SNTG1: variants seen among roughly 807,000 people sequenced by gnomAD.
SNTG1 encodes gamma-1-syntrophin.
Under a neutral mutation model 74.7 loss-of-function variants are expected in SNTG1, and 39 were observed. The ratio of observed to expected loss-of-function variants is 0.52; its 90% CI spans 0.40 to 0.68. SNTG1 has a LOEUF of 0.68. Ranked by LOEUF, SNTG1 falls within the 30% of genes least tolerant of loss-of-function variation. SNTG1 has a pLI of 0.00. For missense variants in SNTG1, 685 were observed against 609.5 expected (o/e 1.12, Z -1.30); for synonymous variants, 254 against 217.1 (o/e 1.17, Z -1.49).
chr8:50,174,197 A>G (rs1321648811), intron 2 of SNTG1, among the ~76,000 whole-genome samples: 2 of 152,202 alleles, frequency 1.3e-5, no homozygotes, highest in African/African-American at 4.8e-5. Flanking sequence ...ATAGTATTCC[A>G]TGATGTACAT....
rs547532196 is a variant in SNTG1, at chr8:50,726,615, C to T, written c.1284+17637C>T. Among the ~76,000 whole-genome samples, 483 of 152,208 alleles carry T rather than the reference C, an allele frequency of 3.2e-3. 4 individuals carry two copies. Among genetic ancestry groups the T allele is most frequent in the African/African-American group, 0.011 (464 of 41,514 alleles). On this transcript the variant is annotated intron_variant, in intron 17 of 18. Transcript: ENST00000642720. ...CTGTAATCCCAGCTCTTTGGGAGGCCGAGGCAGGTGGATCACAAGGTCAGG... is the reference window on the plus strand; with the variant it reads ...CTGTAATCCCAGCTCTTTGGGAGGCTGAGGCAGGTGGATCACAAGGTCAGG...
intron 1 of SNTG1, among the ~76,000 whole-genome samples, chr8:50,037,316 T>A (rs1191345074): frequency 6.6e-6 from 1 of 152,178 alleles, no homozygotes; most frequent in Non-Finnish European, 1.5e-5. Context: ...TCTGAAGATT[T>A]TCTTAAAATG....
At chr8:50,366,793 A>G (rs1338944290) in intron 2 of SNTG1, among the ~76,000 whole-genome samples, 1 of 146,302 alleles carries the variant, frequency 6.8e-6, no homozygotes, top group Non-Finnish European at 1.5e-5. Flanking sequence ...GGAAGATATA[A>G]TACTATAATA....
chr8:50,653,476 T>G (rs951833516), intron 13 of SNTG1, among the ~76,000 whole-genome samples: 1 of 152,222 alleles, frequency 6.6e-6, no homozygotes, highest in Non-Finnish European at 1.5e-5. Context: ...TTATTCTATT[T>G]ACCTGCTATA....
At chr8:50,786,247 A>G (rs2095674796) in intron 18 of SNTG1, among the ~76,000 whole-genome samples, 1 of 152,012 alleles carries the variant, frequency 6.6e-6, no homozygotes, top group Non-Finnish European at 1.5e-5. Context: ...TAGAGTAGGT[A>G]AAATTAAGAA....
chr8:50,518,067 C>T (rs1563513438), intron 9 of SNTG1, among the ~76,000 whole-genome samples: 1 of 152,122 alleles, frequency 6.6e-6, no homozygotes, highest in South Asian at 2.1e-4. Context: ...TAAAACACTC[C>T]TCTGCAAATA....
intron 2 of SNTG1, among the ~76,000 whole-genome samples, chr8:50,352,912 C>A (rs2091706749): frequency 6.6e-6 from 1 of 152,056 alleles, no homozygotes; most frequent in African/African-American, 2.4e-5. Context: ...TGGGTATATA[C>A]CCAAAGGATT....
intron 2 of SNTG1, among the ~76,000 whole-genome samples, chr8:50,226,361 T>C (rs1405321841): frequency 6.6e-6 from 1 of 152,168 alleles, no homozygotes; most frequent in African/African-American, 2.4e-5. Flanking sequence ...TTCCCTGATG[T>C]CCTTTGTGGG....
intron 2 of SNTG1, among the ~76,000 whole-genome samples, chr8:50,282,649 C>G (rs1445421211): frequency 4.6e-5 from 7 of 152,052 alleles, no homozygotes; most frequent in Non-Finnish European, 7.4e-5. Flanking sequence ...GCTTGTAGTC[C>G]CAGCTACTCT....
intron 2 of SNTG1, among the ~76,000 whole-genome samples, chr8:50,326,987 G>A (rs1587144455): frequency 6.6e-6 from 1 of 151,818 alleles, no homozygotes; most frequent in African/African-American, 2.4e-5. Context: ...ATCCTCAAGT[G>A]TTTTGTGATT....
At chr8:50,547,825 G>A (rs2094398756) in intron 11 of SNTG1, among the ~76,000 whole-genome samples, 2 of 152,142 alleles carry the variant, frequency 1.3e-5, no homozygotes, top group South Asian at 4.1e-4. Flanking sequence ...GGTGTATAAT[G>A]TAGTGCTTCT....
chr8:50,009,835 TA>T (rs1225398964), intron 1 of SNTG1, among the ~76,000 whole-genome samples: 1 of 152,086 alleles, frequency 6.6e-6, no homozygotes, highest in Non-Finnish European at 1.5e-5. Flanking sequence ...CCATCTCTAC[TA>T]AAAATACAGA....
At chr8:50,572,782 A>G (rs1185125319) in intron 12 of SNTG1, among the ~76,000 whole-genome samples, 1 of 152,120 alleles carries the variant, frequency 6.6e-6, no homozygotes, top group Non-Finnish European at 1.5e-5. Context: ...TTGTCAAGTG[A>G]ATTTATTTCT....
intron 2 of SNTG1, among the ~76,000 whole-genome samples, chr8:50,206,396 T>G (rs2084239700): frequency 6.6e-6 from 1 of 152,162 alleles, no homozygotes. Flanking sequence ...TAAGAATGCT[T>G]GTGATTTTTG....
chr8:49,955,860 G>T (rs1452597556), intron 1 of SNTG1, among the ~76,000 whole-genome samples: 1 of 152,180 alleles, frequency 6.6e-6, no homozygotes, highest in Admixed American at 6.5e-5. Context: ...TCTCAGGCTT[G>T]TCGATTTATG....
At chr8:50,782,829 G>T (rs1420329865) in intron 18 of SNTG1, among the ~76,000 whole-genome samples, 1 of 152,060 alleles carries the variant, frequency 6.6e-6, no homozygotes, top group Admixed American at 6.6e-5. Context: ...CCCCATCTTT[G>T]TGGTTTTGTC....
In SNTG1 at chr8:50,221,097, G is replaced by T. The variant is rs533754366; in HGVS notation, c.-28+48462G>T. Among the ~76,000 whole-genome samples the T allele has an allele frequency of 1.8e-4, 27 of 152,066 alleles. 1 individual carries two copies. In the East Asian group the frequency reaches 4.6e-3, roughly 26 times the overall value. On this transcript the variant is annotated intron_variant, in intron 2 of 18. Coordinates refer to ENST00000642720, the MANE Select transcript of SNTG1 (RefSeq NM_018967.5). ...ATTGAGTTAATAATTGGTAACAAAA[G>T]AAATCATTAAAACTCCTATATATTT...
chr8:50,540,493 T>C (rs1294389429), intron 11 of SNTG1, among the ~76,000 whole-genome samples: 1 of 152,184 alleles, frequency 6.6e-6, no homozygotes, highest in Non-Finnish European at 1.5e-5. Flanking sequence ...GTGTTGTACG[T>C]ATTTCAATTA....
intron 1 of SNTG1, among the ~76,000 whole-genome samples, chr8:50,105,000 C>T (rs1446433890): frequency 6.6e-6 from 1 of 152,070 alleles, no homozygotes; most frequent in Non-Finnish European, 1.5e-5. Flanking sequence ...TCTATTTACT[C>T]TGTTGATGGT....
Sources: allele counts gnomAD v4.1 joint callset (sites outside exome capture counted in the v4.1 genomes callset), GRCh38; gene constraint gnomAD v4.1.1; transcripts MANE v1.5; gene names NCBI Gene and HGNC (gene_info 2026-07-23, HGNC 2026-07-21).